The following COL5A2 variants were observed in gnomAD, a reference collection of about 807,000 sequenced individuals.
COL5A2 encodes collagen type V alpha 2 chain, also known as collagen alpha-2(V) chain.
In COL5A2, 23 loss-of-function variants were observed where a neutral mutation model predicts 208.2. The ratio of observed to expected loss-of-function variants is 0.11; its 90% confidence interval spans 0.08 to 0.16. The LOEUF is 0.16. Ranked by LOEUF, COL5A2 falls within the 10% of genes least tolerant of loss-of-function variation. COL5A2 has a pLI of 1.00. For synonymous variants in COL5A2, 625 were observed against 628.5 expected (o/e 0.99, Z 0.08); for missense variants, 1,590 against 1,956.4 (o/e 0.81, Z 3.53).
rs187931667 is a variant in COL5A2, at chr2:189,169,796, C to T, written c.97+9712G>A. Among the ~76,000 whole-genome samples the T allele has an allele frequency of 5.5e-3, 843 of 152,266 alleles. 8 individuals carry two copies. Among genetic ancestry groups the T allele is most frequent in the African/African-American group, 0.019 (802 of 41,546 alleles). On this transcript the variant is annotated intron_variant, in intron 1 of 53. Transcript: ENST00000374866. ...GCGCGATCTCAGCTCACTGCAACCT[C>T]GCCTCCCGGGTTCAAGCAATTCTCC...
chr2:189,335,314 A>G, the COL5A2 span, among the ~76,000 whole-genome samples: 1 of 152,092 alleles, frequency 6.6e-6, no homozygotes, highest in Non-Finnish European at 1.5e-5. Context: ...ACAACAACAA[A>G]TATTGGCAAA....
the COL5A2 span, among the ~76,000 whole-genome samples, chr2:189,382,380 T>C: frequency 6.6e-6 from 1 of 151,938 alleles, no homozygotes. Flanking sequence ...AAAATAAAAA[T>C]TAATTTTTAA....
chr2:189,195,271 T>C (rs1478229014), intron 1 of COL5A2, among the ~76,000 whole-genome samples: 1 of 152,008 alleles, frequency 6.6e-6, no homozygotes, highest in Non-Finnish European at 1.5e-5. Flanking sequence ...TCAGAAGGGC[T>C]TCTTCAAGGA....
chr2:189,309,081 C>T, the COL5A2 span, among the ~76,000 whole-genome samples: 43 of 152,300 alleles, frequency 2.8e-4, 1 homozygote, highest in African/African-American at 9.6e-4. Flanking sequence ...CCTTTTGTTA[C>T]AGGAGGTAGC....
the COL5A2 span, among the ~76,000 whole-genome samples, chr2:189,328,681 T>C: frequency 3.9e-5 from 6 of 152,100 alleles, no homozygotes; most frequent in Admixed American, 3.3e-4. Flanking sequence ...AGAACAGGAT[T>C]TTGTTTGCCC....
At chr2:189,236,086 G>C in the COL5A2 span, among the ~76,000 whole-genome samples, 2 of 151,514 alleles carry the variant, frequency 1.3e-5, no homozygotes, top group African/African-American at 4.8e-5. Flanking sequence ...ACAACTTGCT[G>C]TTCAAGGGAT....
intron 16 of COL5A2, among the ~76,000 whole-genome samples, chr2:189,075,792 T>C (rs943746523): frequency 9.2e-5 from 14 of 152,154 alleles, no homozygotes; most frequent in African/African-American, 2.9e-4. Context: ...AGAGAAGCAA[T>C]GTCCAGAAAA....
At chr2:189,047,452 G>C (rs1000840479) in intron 45 of COL5A2, among the ~76,000 whole-genome samples, 4 of 152,078 alleles carry the variant, frequency 2.6e-5, no homozygotes, top group Non-Finnish European at 5.9e-5. Context: ...CTGTAGTGGA[G>C]TGTTTAAACA....
the COL5A2 span, among the ~76,000 whole-genome samples, chr2:189,359,330 T>C: frequency 6.6e-6 from 1 of 152,254 alleles, no homozygotes; most frequent in African/African-American, 2.4e-5. Context: ...ACTGAGATGA[T>C]TGTTTGATTT....
chr2:189,228,401 C>T (rs975748922), upstream of COL5A2, among the ~76,000 whole-genome samples: 1 of 151,490 alleles, frequency 6.6e-6, no homozygotes, highest in African/African-American at 2.4e-5. Flanking sequence ...AAAACCAACA[C>T]ACGTTACACT....
intron 1 of COL5A2, among the ~76,000 whole-genome samples, chr2:189,211,753 T>C (rs904636124): frequency 6.6e-6 from 1 of 152,216 alleles, no homozygotes; most frequent in African/African-American, 2.4e-5. Context: ...CCTGTGAAGA[T>C]GACAGATACA....
chr2:189,251,945 G>A, the COL5A2 span, among the ~76,000 whole-genome samples: 2 of 152,108 alleles, frequency 1.3e-5, no homozygotes, highest in African/African-American at 4.8e-5. Flanking sequence ...TCAACAAGTG[G>A]GCGAAGGATA....
In COL5A2 at chr2:189,052,159, T is replaced by A; in HGVS notation, c.2769+13A>T. On this transcript the variant is annotated intron_variant, in intron 41 of 53. Transcript: ENST00000374866. ...TTTCATTATCAGTGACTTGTCTCACTAAGTTGACTTACAGCAGGGCCTGGA... is the reference window on the plus strand; with the variant it reads ...TTTCATTATCAGTGACTTGTCTCACAAAGTTGACTTACAGCAGGGCCTGGA... 6.2e-7 allele frequency: 1 copy of A among 1,612,216 alleles called. No homozygotes were observed.
At chr2:189,061,535 G>A (rs1333232351) in intron 30 of COL5A2, 27 bp downstream of exon 30, 2 of 1,561,246 alleles carry the variant, frequency 1.3e-6, no homozygotes, top group Admixed American at 1.7e-5. Context: ...AATGGAAGAT[G>A]AAATGGAAAA....
At chr2:189,284,856 T>C in the COL5A2 span, among the ~76,000 whole-genome samples, 7 of 152,078 alleles carry the variant, frequency 4.6e-5, no homozygotes. Context: ...CTGTTGTTCA[T>C]GCAGTCCATT....
chr2:189,323,697 C>A, the COL5A2 span, among the ~76,000 whole-genome samples: 2 of 152,196 alleles, frequency 1.3e-5, no homozygotes, highest in Non-Finnish European at 2.9e-5. Flanking sequence ...GAAGAACATT[C>A]CATGCTCATG....
chr2:189,273,097 G>C, the COL5A2 span, among the ~76,000 whole-genome samples: 1 of 152,066 alleles, frequency 6.6e-6, no homozygotes, highest in African/African-American at 2.4e-5. Context: ...AACAATATAT[G>C]ATGCTTTTGT....
chr2:189,367,337 C>T, the COL5A2 span, among the ~76,000 whole-genome samples: 1 of 152,174 alleles, frequency 6.6e-6, no homozygotes, highest in African/African-American at 2.4e-5. Flanking sequence ...TCAACTCTTA[C>T]TCAAGTGCTT....
At chr2:189,115,986 A>T (rs182626579) in intron 1 of COL5A2, among the ~76,000 whole-genome samples, 2 of 152,326 alleles carry the variant, frequency 1.3e-5, no homozygotes, top group Admixed American at 6.5e-5. Context: ...GTGACCAGAA[A>T]GGAAGAAGAC....
Sources: allele counts gnomAD v4.1 joint callset (sites outside exome capture counted in the v4.1 genomes callset), GRCh38; gene constraint gnomAD v4.1.1; transcripts MANE v1.5; gene names NCBI Gene and HGNC (gene_info 2026-07-23, HGNC 2026-07-21).